The following GSDMA variants were observed in gnomAD, a reference collection of about 807,000 sequenced individuals.
GSDMA encodes gasdermin A, also known as gasdermin-A.
GSDMA carries 55 observed loss-of-function variants against 54.3 expected under a neutral mutation model. The observed-to-expected ratio is 1.01, with a 90% CI of 0.82 to 1.27. The LOEUF is 1.27. Ranked by LOEUF, GSDMA falls within the 50% of genes most tolerant of loss-of-function variation. The pLI, the probability that GSDMA is intolerant of heterozygous loss-of-function variation, is 0.00. For missense variants in GSDMA, 542 were observed against 542.6 expected (o/e 1.00, Z 0.01); for synonymous variants, 211 against 224.7 (o/e 0.94, Z 0.54).
At chr17:39,976,703 G>A in intron 11 of GSDMA, 113 bp from the exon 12 acceptor site, 3 of 1,410,418 alleles carry the variant, frequency 2.1e-6, no homozygotes, top group South Asian at 2.6e-5. Flanking sequence ...TGTAATGTAA[G>A]GTAAAGTAAG....
chr17:39,966,525 G>A (rs961945456), intron 3 of GSDMA, 88 bp downstream of exon 3: 139 of 1,240,970 alleles, frequency 1.1e-4, no homozygotes, highest in Non-Finnish European at 1.2e-4. Context: ...TGAAAGGTAG[G>A]ACCCTTGCAC....
chr17:39,977,109 G>A lies in GSDMA; in HGVS notation c.*51G>A. The A allele has an allele frequency of 6.2e-7, 1 of 1,601,268 alleles. No homozygotes were observed. The highest frequency in any genetic ancestry group is 1.1e-5 in the South Asian group (1 of 89,544). On this transcript the variant is annotated 3_prime_UTR_variant, in exon 12 of 12. Coordinates refer to ENST00000301659, the MANE Select transcript of GSDMA (RefSeq NM_178171.5). ...CTCCCTAATGCCTTCCCAACCTCGT[G>A]GTGCTGTGTCCTTACCACCTAAGGG...
chr17:39,973,525 G>T (rs1296550184), intron 7 of GSDMA, among the ~76,000 whole-genome samples: 1 of 151,150 alleles, frequency 6.6e-6, no homozygotes, highest in Non-Finnish European at 1.5e-5. Flanking sequence ...GCCTCCCAAA[G>T]TGCTGGGATC....
In GSDMA at chr17:39,965,828, C is replaced by T. The variant is rs746098194; in HGVS notation, c.141C>T (p.Leu47=). The change falls in exon 2 of 12, where the codon CTC becomes CTT. Residue 47 remains leucine, a synonymous_variant. Transcript: ENST00000301659. ...CLVLRKRKST[L]FWGARYVRTD... is the part of the protein sequence containing the mutation. ...TGCTGAGGAAGAGGAAGAGCACGCT[C>T]TTCTGGGGGGCCCGGTACGTCCGCA... 5.7e-6 allele frequency: 9 copies of T among 1,585,706 alleles called. No homozygotes were observed. Among genetic ancestry groups the T allele is most frequent in the African/African-American group, 1.3e-5 (1 of 74,346 alleles).
At chr17:39,976,206 A>C (rs1403756646) in intron 11 of GSDMA, among the ~76,000 whole-genome samples, 2 of 151,938 alleles carry the variant, frequency 1.3e-5, no homozygotes, top group Admixed American at 6.6e-5. Context: ...ATCTGGGTTT[A>C]TTAGCCTGAT....
chr17:39,971,424 A>T, intron 4 of GSDMA, 100 bp from the exon 5 acceptor site: 1 of 807,608 alleles, frequency 1.2e-6, no homozygotes, highest in Non-Finnish European at 2.1e-6. Flanking sequence ...ATCTCCCTGA[A>T]GGCTCTCAGC....
Position 39,971,570 on chromosome 17 carries a change from T to C in GSDMA, c.605T>C (p.Val202Ala), listed in dbSNP as rs1420777690. The change falls in exon 5 of 12, where the codon GTC (valine) becomes GCC (alanine). Residue 202 changes from valine (V) to alanine (A), a missense_variant. By Grantham distance (64) the Val-to-Ala change is moderately conservative. Transcript: ENST00000301659. ...KEAVTIPKGCVLAFRVRQLMV... is the reference protein window; with the variant it reads ...KEAVTIPKGCALAFRVRQLMV... ...GCTGTAACCATCCCCAAGGGCTGCG[T>C]CCTGGCCTTTCGAGTGAGACAGCTG... 1.2e-6 allele frequency: 2 copies of C among 1,613,966 alleles called. No individual in the cohort carries two copies. Among genetic ancestry groups the C allele is most frequent in the Non-Finnish European group, 1.7e-6 (2 of 1,179,870 alleles).
At chr17:39,975,446 C>CAA (rs10623843) in intron 10 of GSDMA, among the ~76,000 whole-genome samples, 63,532 of 146,862 alleles carry the variant, frequency 0.43, 13,698 homozygotes, top group East Asian at 0.47. Context: ...GAGACTCCAT[C>CAA]AAAAAAAAAA....
chr17:39,975,838 G>C, intron 10 of GSDMA, 86 bp from the exon 11 acceptor site: 1 of 981,892 alleles, frequency 1.0e-6, no homozygotes. Context: ...AATGAATGAA[G>C]GCTGAAATTC....
At chr17:39,968,104 G>A (rs891746902) in intron 3 of GSDMA, among the ~76,000 whole-genome samples, 4 of 151,914 alleles carry the variant, frequency 2.6e-5, no homozygotes, top group Admixed American at 6.6e-5. Flanking sequence ...TGATCTGTCC[G>A]CCTCGGCCTC....
chr17:39,967,169 C>T (rs116768878), intron 3 of GSDMA, among the ~76,000 whole-genome samples: 1 of 152,316 alleles, frequency 6.6e-6, no homozygotes, highest in East Asian at 1.9e-4. Flanking sequence ...TGTCCAAGAA[C>T]CTTGCAGTCT....
Position 39,977,266 on chromosome 17 carries a change from G to T in GSDMA, c.*208G>T. 2 of 467,350 alleles carry T rather than the reference G, an allele frequency of 4.3e-6. No homozygotes were observed. Among genetic ancestry groups the T allele is most frequent in the South Asian group, 4.0e-5 (1 of 25,122 alleles). 29.0% of individuals were successfully genotyped at this position (467,350 alleles called of 1,614,324 possible). ...CAACCCACTAAGCCCATCTGCTGAT[G>T]CTTAAATTTTCTTTACTTTTCTTTT... On this transcript the variant is annotated 3_prime_UTR_variant, in exon 12 of 12. Coordinates refer to ENST00000301659, the MANE Select transcript of GSDMA (RefSeq NM_178171.5).
intron 3 of GSDMA, among the ~76,000 whole-genome samples, chr17:39,967,312 A>G (rs1022909539): frequency 2.0e-5 from 3 of 152,210 alleles, no homozygotes; most frequent in African/African-American, 7.2e-5. Context: ...AAATAAGGGA[A>G]GATCTCACAG....
At position 39,975,901 on chromosome 17, in the gene GSDMA, CT is replaced by C. The variant is rs766884342; in HGVS notation, c.1022-20del. 8 of 1,567,878 alleles carry C rather than the reference CT, an allele frequency of 5.1e-6. No individual in the cohort carries two copies. The South Asian group carries it at 8.2e-5, about 16-fold the overall frequency. Reference sequence around the variant, plus strand: ...TCCCCTCTGCACCAGCAACACACATCTTTCTCTGCTTTTTTTCTCCAGAGCT... The same window carrying C: ...TCCCCTCTGCACCAGCAACACACATCTTCTCTGCTTTTTTTCTCCAGAGCT... On this transcript the variant is annotated intron_variant, in intron 10 of 11. Transcript: ENST00000301659.
chr17:39,975,446 C>A (rs1299915640), intron 10 of GSDMA, among the ~76,000 whole-genome samples: 17 of 147,146 alleles, frequency 1.2e-4, no homozygotes, highest in South Asian at 2.2e-4. Context: ...GAGACTCCAT[C>A]AAAAAAAAAA....
chr17:39,972,107 C>CCCCCCCCCCTT (rs2144793132), intron 5 of GSDMA, 22 bp from the exon 6 acceptor site: 2 of 1,115,258 alleles, frequency 1.8e-6, no homozygotes, highest in African/African-American at 1.5e-5. Flanking sequence ...TCCTCCCACC[C>CCCCCCCCCCTT]TCCCTCCCTT....
intron 1 of GSDMA, among the ~76,000 whole-genome samples, chr17:39,964,116 G>A (rs180943507): frequency 6.6e-6 from 1 of 152,308 alleles, no homozygotes; most frequent in African/African-American, 2.4e-5. Context: ...CATCAGAAGA[G>A]CGCTTTGGAA....
At chr17:39,963,489 T>C (rs1471264822) in intron 1 of GSDMA, among the ~76,000 whole-genome samples, 2 of 152,194 alleles carry the variant, frequency 1.3e-5, no homozygotes, top group Non-Finnish European at 2.9e-5. Flanking sequence ...CCCACGGGGA[T>C]AACTGGGGTG....
At chr17:39,967,272 G>A (rs1294574367) in intron 3 of GSDMA, among the ~76,000 whole-genome samples, 1 of 152,242 alleles carries the variant, frequency 6.6e-6, no homozygotes, top group East Asian at 1.9e-4. Flanking sequence ...ACTGAGTCTT[G>A]TGGCAGGTCA....
Sources: allele counts gnomAD v4.1 joint callset (sites outside exome capture counted in the v4.1 genomes callset), GRCh38; gene constraint gnomAD v4.1.1; transcripts MANE v1.5; gene names NCBI Gene and HGNC (gene_info 2026-07-23, HGNC 2026-07-21).